COL4A5: variants seen among roughly 807,000 people sequenced by gnomAD.
COL4A5 encodes collagen alpha-5(IV) chain.
COL4A5 carries 26 observed loss-of-function variants against 130.2 expected under a neutral mutation model. That is an observed-to-expected ratio of 0.20 (90% confidence interval 0.15 to 0.28). COL4A5 has a LOEUF of 0.28. Among genes scored for constraint, COL4A5 ranks in the 10% least tolerant of loss-of-function variants. The probability of loss-of-function intolerance (pLI) is 1.00; values close to 1 mark genes in which losing one functional copy is unlikely to be tolerated. For missense variants in COL4A5, 1,131 were observed against 1,344.3 expected (o/e 0.84, Z 2.48); for synonymous variants, 496 against 439.6 (o/e 1.13, Z -1.60).
At position 108,578,068 on chromosome X, in the gene COL4A5, C is replaced by T. The variant is rs1324556985; in HGVS notation, c.646-10C>T. 3.4e-5 allele frequency: 41 copies of T among 1,209,062 alleles called. No homozygotes were observed. The highest frequency in any genetic ancestry group is 4.5e-5 in the Non-Finnish European group (40 of 893,589). On this transcript the variant is annotated splice_polypyrimidine_tract_variant and intron_variant, in intron 11 of 52. Coordinates refer to ENST00000328300, the MANE Select transcript of COL4A5 (RefSeq NM_033380.3). The stretch of plus-strand genomic sequence containing the variant: ...CAGTGAGATTTTTAAATGGAAACTT[C>T]TCTCTCCAGGGGAATATGGGCTTAA...
intron 6 of COL4A5, 96 bp from the exon 7 acceptor site, chrX:108,571,317 G>T: frequency 1.5e-6 from 1 of 665,338 alleles, no homozygotes; most frequent in Non-Finnish European, 2.4e-6. Context: ...TTTCAAAATG[G>T]CTTTTATAGA....
At chrX:108,445,899 G>A (rs2064446971) in intron 1 of COL4A5, among the ~76,000 whole-genome samples, 1 of 111,138 alleles carries the variant, frequency 9.0e-6, no homozygotes, top group Admixed American at 9.6e-5. Flanking sequence ...AATGGTGTGT[G>A]TTTTGATTAT....
intron 50 of COL4A5, among the ~76,000 whole-genome samples, chrX:108,693,231 T>G (rs2068664863): frequency 9.0e-6 from 1 of 111,529 alleles, no homozygotes; most frequent in Non-Finnish European, 1.9e-5. Flanking sequence ...AAAAATGTTA[T>G]GAAAACATAG....
chrX:108,618,793 T>C (rs1057247243), intron 30 of COL4A5, among the ~76,000 whole-genome samples: 3 of 109,069 alleles, frequency 2.8e-5, no homozygotes, highest in Non-Finnish European at 3.8e-5. Flanking sequence ...GAACTGTAAT[T>C]CCCTGCCTCT....
At chrX:108,587,343 C>A in intron 19 of COL4A5, among the ~76,000 whole-genome samples, 2 of 96,933 alleles carry the variant, frequency 2.1e-5, no homozygotes. Context: ...TTTTTAACCT[C>A]CTACGTAAGA....
At chrX:108,485,207 C>G (rs1209879954) in intron 1 of COL4A5, among the ~76,000 whole-genome samples, 2 of 111,749 alleles carry the variant, frequency 1.8e-5, no homozygotes, top group African/African-American at 6.5e-5. Flanking sequence ...AGTGGGCTCC[C>G]CATTGTCCCA....
At chrX:108,539,999 C>A (rs753277404) in intron 2 of COL4A5, among the ~76,000 whole-genome samples, 194 bp downstream of exon 2, 2 of 111,652 alleles carry the variant, frequency 1.8e-5, no homozygotes, top group African/African-American at 6.5e-5. Flanking sequence ...CTGTAAAAGG[C>A]CATATAGCAA....
intron 41 of COL4A5, 108 bp from the exon 42 acceptor site, chrX:108,670,120 G>A (rs2068171137): frequency 1.9e-5 from 16 of 838,286 alleles, no homozygotes; most frequent in Non-Finnish European, 2.4e-5. Flanking sequence ...TAACTTGAAA[G>A]TATTTAGTGT....
chrX:108,677,428 T>C (rs2068325487), intron 43 of COL4A5, 72 bp from the exon 44 acceptor site: 2 of 1,063,958 alleles, frequency 1.9e-6, no homozygotes, highest in East Asian at 3.1e-5. Flanking sequence ...ATGACTGATA[T>C]TTTAAAAGCC....
intron 42 of COL4A5, among the ~76,000 whole-genome samples, chrX:108,672,995 C>T (rs1387203813): frequency 8.9e-6 from 1 of 112,000 alleles, no homozygotes; most frequent in Non-Finnish European, 1.9e-5. Flanking sequence ...TTCAAAGTAT[C>T]AAATGCTTTG....
Position 108,622,721 on chromosome X carries a change from G to A in COL4A5, c.2813G>A (p.Gly938Glu). The A allele has an allele frequency of 8.3e-7, 1 of 1,211,278 alleles. No homozygotes were observed. The highest frequency in any genetic ancestry group is 1.1e-6 in the Non-Finnish European group (1 of 895,077). ...CAGCCAGGACTTCCTGGCCCTACAGGAGAAAAAGGTAGTAAAGGAGAGCCT... is the reference window on the plus strand; with the variant it reads ...CAGCCAGGACTTCCTGGCCCTACAGAAGAAAAAGGTAGTAAAGGAGAGCCT... ...QGQPGLPGPTGEKGSKGEPGL... is the reference protein window; with the variant it reads ...QGQPGLPGPTEEKGSKGEPGL... The change falls in exon 33 of 53, where the codon GGA becomes GAA. Residue 938 changes from glycine to glutamate, a missense_variant. Transcript: ENST00000328300.
At position 108,696,315 on chromosome X, in the gene COL4A5, G is replaced by C; in HGVS notation, c.5013G>C (p.Thr1671=). 1.7e-6 allele frequency: 2 copies of C among 1,208,459 alleles called. No homozygotes were observed. Among genetic ancestry groups the C allele is most frequent in the Non-Finnish European group, 1.1e-6 (1 of 892,627 alleles). The change falls in exon 53 of 53, where the codon ACG becomes ACC. Residue 1671 remains threonine, a synonymous_variant. Transcript: ENST00000328300. ...TTCCCAGTAAACCTCAGTCAGAAAC[G>C]CTGAAAGCAGGAGACTTGAGGACAC... ...SDMFSKPQSE[T]LKAGDLRTRI... is the part of the protein sequence containing the mutation.
chrX:108,684,836 T>C (rs750817124), intron 47 of COL4A5, among the ~76,000 whole-genome samples: 1 of 112,341 alleles, frequency 8.9e-6, no homozygotes, highest in Non-Finnish European at 1.9e-5. Context: ...CTGATGAACA[T>C]CAATGCGAAA....
chrX:108,678,552 G>C (rs1027248112), intron 44 of COL4A5, among the ~76,000 whole-genome samples: 2 of 111,130 alleles, frequency 1.8e-5, no homozygotes, highest in African/African-American at 3.3e-5. Flanking sequence ...ACAATAAAAA[G>C]CTATGGGATT....
At chrX:108,643,885 C>T (rs374116821) in intron 36 of COL4A5, among the ~76,000 whole-genome samples, 4 of 112,209 alleles carry the variant, frequency 3.6e-5, no homozygotes, top group Middle Eastern at 9.1e-3. Flanking sequence ...TGGTACCTCA[C>T]ATCTGAATGC....
chrX:108,595,708 A>T, intron 22 of COL4A5, 107 bp downstream of exon 22: 2 of 591,759 alleles, frequency 3.4e-6, no homozygotes, highest in East Asian at 3.5e-5. Context: ...AGTCACTCAT[A>T]TCTATAAAGA....
At chrX:108,603,257 C>CAAA (rs762022225) in intron 28 of COL4A5, among the ~76,000 whole-genome samples, 196 bp downstream of exon 28, 6 of 43,269 alleles carry the variant, frequency 1.4e-4, no homozygotes, top group African/African-American at 2.9e-4. Flanking sequence ...ACATTTGGAG[C>CAAA]AAAAAAAAAA....
Position 108,674,757 on chromosome X carries a change from A to G in COL4A5, c.3808+4A>G. ...CTGATCTTCCCAGGTTTTCAAGGTT[A>G]GACTCTTCACTGGTCAATTCTTTTT... On this transcript the variant is annotated splice_donor_region_variant and intron_variant, in intron 43 of 52. Transcript: ENST00000328300. 1 of 1,170,590 alleles carries G rather than the reference A, an allele frequency of 8.5e-7. No homozygotes were observed. Among genetic ancestry groups the G allele is most frequent in the Non-Finnish European group, 1.1e-6 (1 of 870,448 alleles).
At chrX:108,553,504 C>T (rs1466610758) in intron 2 of COL4A5, among the ~76,000 whole-genome samples, 1 of 111,475 alleles carries the variant, frequency 9.0e-6, no homozygotes, top group African/African-American at 3.3e-5. Context: ...AGATCCTCAA[C>T]ATTATTAATT....
Sources: gnomAD v4.1 joint callset for allele counts (sites outside exome capture counted in the v4.1 genomes callset) on GRCh38, gnomAD v4.1.1 for gene constraint, MANE v1.5 for transcripts, NCBI Gene and HGNC (gene_info 2026-07-23, HGNC 2026-07-21) for gene names.